The following MYO18A variants were observed in gnomAD, a reference collection of about 807,000 sequenced individuals.
The protein encoded by MYO18A is myosin XVIIIA.
A neutral mutation model predicts 235.8 loss-of-function variants in MYO18A; 78 were observed. The observed-to-expected ratio is 0.33, with a 90% CI of 0.28 to 0.40. The LOEUF (loss-of-function observed/expected upper bound fraction) is 0.40. Ranked by LOEUF, MYO18A falls within the 10% of genes least tolerant of loss-of-function variation. The pLI is 1.00. For missense variants in MYO18A, 2,215 were observed against 2,699.3 expected (o/e 0.82, Z 3.98); for synonymous variants, 977 against 1,077.8 (o/e 0.91, Z 1.83).
In MYO18A at chr17:29,116,463, G is replaced by A. The variant is rs765191918; in HGVS notation, c.2039-8C>T. On this transcript the variant is annotated splice_region_variant and splice_polypyrimidine_tract_variant and intron_variant, in intron 10 of 41. Transcript: ENST00000527372. ...TTTTACCTTCAGCAGCTTCTGTAAG[G>A]CAAAGGACCAGCATGCAGCATGCAA... 41 of 1,613,874 alleles carry A rather than the reference G, an allele frequency of 2.5e-5. No homozygotes were observed. Among genetic ancestry groups the A allele is most frequent in the Non-Finnish European group, 3.3e-5 (39 of 1,179,892 alleles).
chr17:29,145,417 T>C (rs1390840432), intron 2 of MYO18A, among the ~76,000 whole-genome samples: 1 of 151,970 alleles, frequency 6.6e-6, no homozygotes, highest in Non-Finnish European at 1.5e-5. Context: ...CCAGGCAGAG[T>C]GGCTAAGCAG....
chr17:29,167,396 C>T (rs2068306942), intron 1 of MYO18A, among the ~76,000 whole-genome samples: 3 of 152,064 alleles, frequency 2.0e-5, no homozygotes, highest in African/African-American at 7.2e-5. Context: ...ATGCTTCAAA[C>T]CAACCTGGGA....
At chr17:29,124,761 G>GGACTT in intron 2 of MYO18A, 1 of 1,186,242 alleles carries the variant, frequency 8.4e-7, no homozygotes, top group Admixed American at 2.7e-5. Context: ...GCCCCCTTCA[G>GGACTT]CAAGTGCTCC....
chr17:29,081,117 CAG>C (rs796075336), intron 41 of MYO18A: 16 of 584,806 alleles, frequency 2.7e-5, no homozygotes, highest in African/African-American at 4.0e-5. Flanking sequence ...AATAAAGACA[CAG>C]GGGGAGGGAG....
chr17:29,087,372 A>G (rs2066281562), intron 37 of MYO18A, among the ~76,000 whole-genome samples: 1 of 152,176 alleles, frequency 6.6e-6, no homozygotes, highest in African/African-American at 2.4e-5. Flanking sequence ...GAAAGATGAA[A>G]GGTGCTATTA....
chr17:29,134,008 G>C (rs1468775018), intron 2 of MYO18A: 3 of 396,424 alleles, frequency 7.6e-6, no homozygotes, highest in Non-Finnish European at 1.4e-5. Context: ...AGAGGGCATT[G>C]GAGTAAGGAA....
At chr17:29,124,562 G>A (rs1308109937) in intron 2 of MYO18A, 15 of 1,034,250 alleles carry the variant, frequency 1.5e-5, no homozygotes, top group African/African-American at 5.0e-5. Flanking sequence ...CAGGAGGCCC[G>A]AGCACAGACG....
intron 2 of MYO18A, among the ~76,000 whole-genome samples, chr17:29,161,750 C>T (rs1181465972): frequency 6.6e-6 from 1 of 152,176 alleles, no homozygotes; most frequent in African/African-American, 2.4e-5. Context: ...TCTCCCAGGC[C>T]CTAGTCTCCA....
chr17:29,098,897 A>G lies in MYO18A; in HGVS notation c.3709T>C (p.Trp1237Arg). ...GGCCTCACTGTGGTAAAAAGCTTCC[A>G]CCAGGGCCAGTCCTTCACCCCTTTG... is the stretch of plus-strand genomic sequence containing the variant. ...KNKGVKDWPW[W>R]KLFTTVRPLI... Residue 1237 changes from tryptophan (W) to arginine (R), a missense_variant, in exon 23 of 42, where the codon TGG (tryptophan) becomes CGG (arginine). By Grantham distance (101) the Trp-to-Arg change is moderately radical (BLOSUM62 -3). Coordinates refer to ENST00000527372, the MANE Select transcript of MYO18A (RefSeq NM_078471.4). 1.2e-6 allele frequency: 2 copies of G among 1,613,872 alleles called. No individual in the cohort carries two copies. The highest frequency in any genetic ancestry group is 1.7e-6 in the Non-Finnish European group (2 of 1,179,848).
chr17:29,118,304 C>A lies in MYO18A; in HGVS notation c.1893+73G>T. On this transcript the variant is annotated intron_variant, in intron 9 of 41. Transcript: ENST00000527372. This position sits in a 1 kb window ranked among gnomAD's most constrained non-coding sequence, Gnocchi z 4.2. ...AGCTGGAGCTGGGCTCCCACTATTC[C>A]CACAGGACCCATGGAGGCTTCTCCT... 6.4e-7 allele frequency: 1 copy of A among 1,562,568 alleles called. No homozygotes were observed. The highest frequency in any genetic ancestry group is 8.7e-7 in the Non-Finnish European group (1 of 1,148,152).
At chr17:29,159,242 T>G (rs769689089) in intron 2 of MYO18A, among the ~76,000 whole-genome samples, 4 of 151,974 alleles carry the variant, frequency 2.6e-5, no homozygotes, top group African/African-American at 9.7e-5. Context: ...GACAGTCCCC[T>G]GCATCCCACT....
chr17:29,173,793 A>G (rs1489577187), intron 1 of MYO18A, among the ~76,000 whole-genome samples: 3 of 152,110 alleles, frequency 2.0e-5, no homozygotes, highest in African/African-American at 7.2e-5. Flanking sequence ...TTTTTAAGAG[A>G]CAAGGTCTTG....
At chr17:29,167,469 T>C (rs1305337041) in intron 1 of MYO18A, among the ~76,000 whole-genome samples, 2 of 152,106 alleles carry the variant, frequency 1.3e-5, no homozygotes, top group Admixed American at 1.3e-4. Flanking sequence ...CATAGCACTT[T>C]GGGAGACTGA....
chr17:29,156,548 A>G (rs1297922353), intron 2 of MYO18A, among the ~76,000 whole-genome samples: 2 of 152,234 alleles, frequency 1.3e-5, no homozygotes, highest in African/African-American at 4.8e-5. Flanking sequence ...CAGTTAGAGC[A>G]GGAGGGGTCC....
In MYO18A at chr17:29,121,919, C is replaced by T. The variant is rs752226745; in HGVS notation, c.1126G>A (p.Gly376Arg). The change falls in exon 4 of 42, where the codon GGG (glycine) becomes AGG (arginine). Residue 376 changes from glycine (G) to arginine (R), a missense_variant. Physicochemically the swap from Gly to Arg is moderately radical, Grantham distance 125. Coordinates refer to ENST00000527372, the MANE Select transcript of MYO18A (RefSeq NM_078471.4). This position sits in a 1 kb window ranked among gnomAD's most constrained non-coding sequence, Gnocchi z 4.2. ...TGGTCCAGCTTCACACGCACCTTCC[C>T]CTCAGGCAAGTTGAGCTCCTCAGAT... ...LKSEELNLPE[G>R]KVRVKLDHDG... is the part of the protein sequence containing the mutation. 6.2e-7 allele frequency: 1 copy of T among 1,613,960 alleles called. No individual in the cohort carries two copies. The highest frequency in any genetic ancestry group is 1.1e-5 in the South Asian group (1 of 91,084).
chr17:29,116,644 T>C (rs1945118749), intron 10 of MYO18A, among the ~76,000 whole-genome samples, 189 bp from the exon 11 acceptor site: 1 of 66,238 alleles, frequency 1.5e-5, no homozygotes, highest in Admixed American at 1.4e-4. Flanking sequence ...GGAGTATGTT[T>C]GTGGGTGTAA....
intron 2 of MYO18A, among the ~76,000 whole-genome samples, chr17:29,141,415 T>C (rs2067736438): frequency 6.9e-6 from 1 of 144,346 alleles, no homozygotes. Context: ...GAAACAGTCA[T>C]TGCCTCCCTC....
At chr17:29,101,154 T>A (rs1433235277) in intron 21 of MYO18A, among the ~76,000 whole-genome samples, 1 of 151,656 alleles carries the variant, frequency 6.6e-6, no homozygotes, top group Non-Finnish European at 1.5e-5. Flanking sequence ...TGCACCACCA[T>A]TCCCAGCTAA....
intron 7 of MYO18A, 120 bp from the exon 8 acceptor site, chr17:29,119,555 T>A (rs2067149622): frequency 8.7e-6 from 1 of 114,554 alleles, no homozygotes; most frequent in Non-Finnish European, 1.4e-5. Flanking sequence ...GCAGCTGCAT[T>A]TTTTTTTTTT....
Sources: allele counts gnomAD v4.1 joint callset (sites outside exome capture counted in the v4.1 genomes callset), GRCh38; gene constraint gnomAD v4.1.1; non-coding constraint Gnocchi (gnomAD v3.1); transcripts MANE v1.5; gene names NCBI Gene and HGNC (gene_info 2026-07-23, HGNC 2026-07-21).